The following SPOCK1 variants were observed in gnomAD, a reference collection of about 807,000 sequenced individuals.
SPOCK1 encodes the protein SPARC (osteonectin), cwcv and kazal like domains proteoglycan 1.
SPOCK1 carries 23 observed loss-of-function variants against 55.3 expected under a neutral mutation model. The observed-to-expected ratio is 0.42, with a 90% CI of 0.30 to 0.59. The LOEUF is 0.59. SPOCK1 is among the 20% of genes least tolerant of loss of function. The pLI is 0.22. For missense variants in SPOCK1, 499 were observed against 552.5 expected (o/e 0.90, Z 0.97); for synonymous variants, 226 against 221.0 (o/e 1.02, Z -0.20).
chr5:137,265,109 T>C (rs894993577), intron 3 of SPOCK1, among the ~76,000 whole-genome samples: 2 of 152,194 alleles, frequency 1.3e-5, no homozygotes, highest in Non-Finnish European at 2.9e-5. Context: ...TCGTTTGAAC[T>C]GTTTACCTGC....
At chr5:137,088,266 TGTC>T (rs1752993933) in intron 5 of SPOCK1, among the ~76,000 whole-genome samples, 1 of 152,218 alleles carries the variant, frequency 6.6e-6, no homozygotes, top group Non-Finnish European at 1.5e-5. Context: ...CTCAGAGCAG[TGTC>T]ATGGACTTGA....
At chr5:137,182,787 G>A (rs911543895) in intron 3 of SPOCK1, among the ~76,000 whole-genome samples, 2 of 152,098 alleles carry the variant, frequency 1.3e-5, no homozygotes, top group African/African-American at 4.8e-5. Flanking sequence ...CAATAGAAGT[G>A]GCCACAGTAC....
intron 3 of SPOCK1, among the ~76,000 whole-genome samples, chr5:137,204,148 T>C (rs1308574778): frequency 6.6e-6 from 1 of 152,206 alleles, no homozygotes; most frequent in African/African-American, 2.4e-5. Flanking sequence ...TCCTAACTCT[T>C]GGTCTGTTAT....
Position 136,975,866 on chromosome 5 carries a change from A to G in SPOCK1, c.*2788T>C, listed in dbSNP as rs560151702. 1.3e-5 allele frequency: 2 copies of G among 152,384 alleles called. No homozygotes were observed. Among genetic ancestry groups the G allele is most frequent in the Admixed American group, 1.3e-4 (2 of 15,314 alleles). The allele number at this position is 152,384 out of a possible 1,614,324, so 9.4% of individuals were successfully genotyped here. ...CAAAATTCTGGGATTTAAGTTGGAT[A>G]CCAAGGAAATTGTATTAAAAGAGCT... On this transcript the variant is annotated 3_prime_UTR_variant, in exon 11 of 11. Transcript: ENST00000394945.
At chr5:137,076,689 C>G (rs1397455677) in intron 5 of SPOCK1, among the ~76,000 whole-genome samples, 1 of 150,312 alleles carries the variant, frequency 6.7e-6, no homozygotes, top group African/African-American at 2.4e-5. Flanking sequence ...TTTGCACCAT[C>G]TTAAAGTCAT....
intron 2 of SPOCK1, among the ~76,000 whole-genome samples, chr5:137,276,172 A>G (rs1015243679): frequency 1.3e-5 from 2 of 152,148 alleles, no homozygotes; most frequent in Admixed American, 6.5e-5. Flanking sequence ...ACTAGCTTAC[A>G]TGGTCGAGCC....
At chr5:137,395,882 A>G (rs1751836483) in intron 2 of SPOCK1, among the ~76,000 whole-genome samples, 1 of 152,162 alleles carries the variant, frequency 6.6e-6, no homozygotes, top group South Asian at 2.1e-4. Flanking sequence ...ATAGCTAACC[A>G]AGGTCATTCA....
chr5:137,463,450 G>T (rs1172019503), intron 2 of SPOCK1, among the ~76,000 whole-genome samples: 1 of 148,984 alleles, frequency 6.7e-6, no homozygotes, highest in Non-Finnish European at 1.5e-5. Context: ...CTTATTTGTG[G>T]GATCTAAAAA....
intron 6 of SPOCK1, among the ~76,000 whole-genome samples, chr5:137,019,917 G>A (rs187416962): frequency 6.6e-6 from 1 of 152,078 alleles, no homozygotes; most frequent in Admixed American, 6.5e-5. Flanking sequence ...TGCCATATAA[G>A]TTAGAGCTAA....
chr5:137,351,484 C>G (rs1022037637), intron 2 of SPOCK1, among the ~76,000 whole-genome samples: 1 of 152,182 alleles, frequency 6.6e-6, no homozygotes, highest in African/African-American at 2.4e-5. Flanking sequence ...CTCCTCCTGA[C>G]AAGGAGGGGA....
intron 2 of SPOCK1, among the ~76,000 whole-genome samples, chr5:137,447,244 G>A (rs981872033): frequency 1.4e-4 from 22 of 152,148 alleles, no homozygotes; most frequent in South Asian, 2.1e-4. Flanking sequence ...CTTGCCTAAC[G>A]TGGAGAAAAG....
At chr5:137,202,440 CA>C (rs758866075) in intron 3 of SPOCK1, among the ~76,000 whole-genome samples, 11 of 152,202 alleles carry the variant, frequency 7.2e-5, no homozygotes, top group Admixed American at 3.9e-4. Context: ...ATGCCCAGGA[CA>C]AGCTGGTATT....
At chr5:137,202,822 T>C (rs1755450221) in intron 3 of SPOCK1, among the ~76,000 whole-genome samples, 1 of 152,198 alleles carries the variant, frequency 6.6e-6, no homozygotes, top group African/African-American at 2.4e-5. Flanking sequence ...CTATAAATAA[T>C]CACTAGCATC....
Position 137,331,936 on chromosome 5 carries a change from C to G in SPOCK1, c.187-64881G>C, listed in dbSNP as rs569396105. Among the ~76,000 whole-genome samples, 8 of 152,282 alleles carry G rather than the reference C, an allele frequency of 5.3e-5. No homozygotes were observed. The South Asian group carries it at 1.7e-3, about 32-fold the overall frequency. On this transcript the variant is annotated intron_variant, in intron 2 of 10. Coordinates refer to ENST00000394945, the MANE Select transcript of SPOCK1 (RefSeq NM_004598.4). Reference sequence around the variant, plus strand: ...CCTTCAAGTTCCACCCTGATTTCATCTGACTTGTTGAAATAGAGCCATTAT... The same window carrying G: ...CCTTCAAGTTCCACCCTGATTTCATGTGACTTGTTGAAATAGAGCCATTAT...
At chr5:137,142,907 G>T (rs1345789604) in intron 3 of SPOCK1, among the ~76,000 whole-genome samples, 1 of 152,176 alleles carries the variant, frequency 6.6e-6, no homozygotes, top group East Asian at 1.9e-4. Flanking sequence ...CACTCTCCAA[G>T]AATCATTCAA....
At chr5:136,980,695 G>A (rs1750710658) in intron 9 of SPOCK1, among the ~76,000 whole-genome samples, 1 of 152,098 alleles carries the variant, frequency 6.6e-6, no homozygotes, top group African/African-American at 2.4e-5. Context: ...CCCAGTCTCA[G>A]GTCTATTTCT....
rs564888557 is a variant in SPOCK1 at position 137,358,608 on chromosome 5, T to C, written c.187-91553A>G. On this transcript the variant is annotated intron_variant, in intron 2 of 10. Coordinates refer to ENST00000394945, the MANE Select transcript of SPOCK1 (RefSeq NM_004598.4). Reference sequence around the variant, plus strand: ...AGATAAACTTCCTCCCTCTGTAATATCTCCCCAGACAGCCGTATCTTTCCA... The same window carrying C: ...AGATAAACTTCCTCCCTCTGTAATACCTCCCCAGACAGCCGTATCTTTCCA... Among the ~76,000 whole-genome samples the C allele has an allele frequency of 3.3e-5, 5 of 151,798 alleles. No homozygotes were observed. The South Asian group carries it at 6.3e-4, about 19-fold the overall frequency.
chr5:137,024,691 G>A (rs1251863534), intron 6 of SPOCK1, among the ~76,000 whole-genome samples: 1 of 151,752 alleles, frequency 6.6e-6, no homozygotes, highest in Non-Finnish European at 1.5e-5. Context: ...CTCATGATAT[G>A]TCAGTCATCT....
chr5:137,447,605 TC>T (rs33974799), intron 2 of SPOCK1, among the ~76,000 whole-genome samples: 151,101 of 151,732 alleles, frequency 1, 75,238 homozygotes, highest in Middle Eastern at 1. Context: ...TTGAAATCAT[TC>T]CCCCCCCCAA....
Sources: gnomAD v4.1 joint callset for allele counts (sites outside exome capture counted in the v4.1 genomes callset) on GRCh38, gnomAD v4.1.1 for gene constraint, MANE v1.5 for transcripts, NCBI Gene and HGNC (gene_info 2026-07-23, HGNC 2026-07-21) for gene names.